PTPRK: variants seen among roughly 807,000 people sequenced by gnomAD.
PTPRK encodes the protein receptor-type tyrosine-protein phosphatase kappa.
Under a neutral mutation model 178.0 loss-of-function variants are expected in PTPRK, and 75 were observed. That is an observed-to-expected ratio of 0.42 (90% CI 0.35 to 0.51). The LOEUF is 0.51. PTPRK is among the 20% of genes least tolerant of loss of function. The pLI is 0.02. For synonymous variants in PTPRK, 637 were observed against 620.6 expected, an observed-to-expected ratio of 1.03 and a Z score of -0.39; for missense variants, 1,441 against 1,797.8, an observed-to-expected ratio of 0.80 and a Z score of 3.59.
intron 7 of PTPRK, among the ~76,000 whole-genome samples, chr6:128,112,627 G>C (rs1390425598): frequency 6.6e-6 from 1 of 152,140 alleles, no homozygotes; most frequent in Non-Finnish European, 1.5e-5. Context: ...TGTCTGGGCT[G>C]GCAATTGCCC....
intron 3 of PTPRK, among the ~76,000 whole-genome samples, chr6:128,262,701 T>G (rs1246128971): frequency 6.6e-6 from 1 of 152,138 alleles, no homozygotes; most frequent in Non-Finnish European, 1.5e-5. Flanking sequence ...AATTCCTACC[T>G]TTCTGTTTAA....
At position 128,082,012 on chromosome 6, in the gene PTPRK, A is replaced by G. The variant is rs151256883; in HGVS notation, c.1777+425T>C. On this transcript the variant is annotated intron_variant, in intron 10 of 29. Transcript: ENST00000368226. ...CCCATCTTTGTTTAAAATTATCATA[A>G]TGTCAGGGAAAATGAAACAGAAACA... 3.5e-3 allele frequency among the ~76,000 whole-genome samples: 540 copies of G among 152,162 alleles called. 5 individuals are homozygous for G. Among genetic ancestry groups the G allele is most frequent in the African/African-American group, 0.013 (522 of 41,550 alleles).
intron 13 of PTPRK, among the ~76,000 whole-genome samples, chr6:128,024,612 C>T (rs1180794791): frequency 1.3e-5 from 2 of 151,992 alleles, no homozygotes; most frequent in Non-Finnish European, 1.5e-5. Context: ...AGTTCAAGAC[C>T]AGCCTGGCCA....
chr6:128,420,886 A>G (rs1262461869), intron 1 of PTPRK, among the ~76,000 whole-genome samples: 3 of 152,348 alleles, frequency 2.0e-5, no homozygotes, highest in African/African-American at 7.2e-5. Flanking sequence ...TATTCTCAGT[A>G]TAATCAATTT....
chr6:128,266,168 A>G (rs574209004), intron 3 of PTPRK, among the ~76,000 whole-genome samples: 1 of 152,262 alleles, frequency 6.6e-6, no homozygotes, highest in South Asian at 2.1e-4. Flanking sequence ...TCTTGCAGGA[A>G]GGACGGCAGT....
intron 2 of PTPRK, among the ~76,000 whole-genome samples, chr6:128,359,520 G>A (rs1198029994): frequency 6.6e-6 from 1 of 152,160 alleles, no homozygotes; most frequent in African/African-American, 2.4e-5. Context: ...GGGAGGCTGA[G>A]GCGGGTGGAT....
At chr6:128,361,396 T>G (rs961300883) in intron 2 of PTPRK, among the ~76,000 whole-genome samples, 1 of 152,182 alleles carries the variant, frequency 6.6e-6, no homozygotes, top group African/African-American at 2.4e-5. Context: ...ACAGGTGTGA[T>G]TCTATGCGAG....
chr6:128,139,169 G>C (rs961336025), intron 7 of PTPRK, among the ~76,000 whole-genome samples: 1 of 151,998 alleles, frequency 6.6e-6, no homozygotes. Context: ...GATGGACAGA[G>C]AACAACAACA....
intron 13 of PTPRK, among the ~76,000 whole-genome samples, chr6:128,056,401 TA>T (rs1779900807): frequency 6.6e-6 from 1 of 151,990 alleles, no homozygotes; most frequent in African/African-American, 2.4e-5. Context: ...TCTTTATCCA[TA>T]CCTGAACATA....
intron 1 of PTPRK, among the ~76,000 whole-genome samples, chr6:128,493,591 TAC>T (rs59656384): frequency 0.084 from 10,418 of 123,564 alleles, 505 homozygotes; most frequent in Middle Eastern, 0.18. Context: ...TCCCGCCCCC[TAC>T]ACACACACAC....
At chr6:128,259,817 T>C (rs1167232111) in intron 3 of PTPRK, among the ~76,000 whole-genome samples, 2 of 152,162 alleles carry the variant, frequency 1.3e-5, no homozygotes, top group African/African-American at 4.8e-5. Flanking sequence ...TCTTTCCTTT[T>C]CATTTAAAGA....
intron 1 of PTPRK, among the ~76,000 whole-genome samples, chr6:128,479,513 T>C (rs1437566481): frequency 2.0e-5 from 3 of 152,110 alleles, no homozygotes; most frequent in Non-Finnish European, 2.9e-5. Flanking sequence ...CAAGCTGGCA[T>C]AGGGCCTCTT....
intron 1 of PTPRK, chr6:128,500,673 A>C (rs1855425000): frequency 6.6e-6 from 1 of 152,144 alleles, no homozygotes; most frequent in African/African-American, 2.4e-5. Context: ...TTAGTGCTAC[A>C]CCTTTATTAA....
chr6:128,186,796 C>T (rs752460085), intron 6 of PTPRK, among the ~76,000 whole-genome samples: 3 of 151,926 alleles, frequency 2.0e-5, no homozygotes, highest in Admixed American at 6.6e-5. Flanking sequence ...TATTCTCAAA[C>T]CCTAAACTAA....
chr6:127,994,555 C>T (rs2114671048), intron 18 of PTPRK, among the ~76,000 whole-genome samples: 1 of 151,890 alleles, frequency 6.6e-6, no homozygotes, highest in East Asian at 1.9e-4. Flanking sequence ...AGAGAAGTAA[C>T]ATTCCCAAGA....
At chr6:128,060,532 G>C (rs1283158092) in intron 13 of PTPRK, among the ~76,000 whole-genome samples, 3 of 152,102 alleles carry the variant, frequency 2.0e-5, no homozygotes, top group Non-Finnish European at 4.4e-5. Context: ...TAATTCATTT[G>C]AATAGGTCCT....
intron 1 of PTPRK, among the ~76,000 whole-genome samples, chr6:128,439,724 A>C (rs1167414197): frequency 6.6e-6 from 1 of 152,188 alleles, no homozygotes; most frequent in East Asian, 1.9e-4. Flanking sequence ...GTGAAAATGC[A>C]GTTGCAAATA....
chr6:128,376,251 C>A (rs1296234059), intron 2 of PTPRK, among the ~76,000 whole-genome samples: 2 of 152,180 alleles, frequency 1.3e-5, no homozygotes, highest in Non-Finnish European at 2.9e-5. Context: ...TCCTGGATAT[C>A]CAGGCATTTC....
chr6:128,512,358 T>C (rs933382469), intron 1 of PTPRK, among the ~76,000 whole-genome samples: 3 of 152,236 alleles, frequency 2.0e-5, no homozygotes, highest in Non-Finnish European at 4.4e-5. Flanking sequence ...CTCCAGCTTC[T>C]GATCTCATGA....
Sources: gnomAD v4.1 joint callset for allele counts (sites outside exome capture counted in the v4.1 genomes callset) on GRCh38, gnomAD v4.1.1 for gene constraint, MANE v1.5 for transcripts, NCBI Gene and HGNC (gene_info 2026-07-23, HGNC 2026-07-21) for gene names.